The following ASIC2 variants were observed in gnomAD, a reference collection of about 807,000 sequenced individuals.
ASIC2 encodes acid-sensing ion channel 2.
In ASIC2, 25 loss-of-function variants were observed where a neutral mutation model predicts 57.3. The observed-to-expected ratio is 0.44, with a 90% confidence interval of 0.32 to 0.61. ASIC2 has a LOEUF of 0.61. ASIC2 is among the 20% of genes least tolerant of loss of function. The probability of loss-of-function intolerance (pLI) is 0.06; values close to 1 mark genes in which losing one functional copy is unlikely to be tolerated. For synonymous variants in ASIC2, 319 were observed against 307.5 expected (o/e 1.04, Z -0.39); for missense variants, 641 against 738.1 (o/e 0.87, Z 1.52).
chr17:33,419,545 CA>C (rs1232910636), intron 1 of ASIC2, among the ~76,000 whole-genome samples: 4 of 152,124 alleles, frequency 2.6e-5, no homozygotes, highest in African/African-American at 9.7e-5. Context: ...GGATGGATAC[CA>C]GCATTTCAGG....
rs1158053 is a variant in ASIC2, at chr17:33,860,998, T to A, written c.555+294980A>T. On this transcript the variant is annotated intron_variant, in intron 1 of 9. Coordinates refer to the ASIC2 transcript ENST00000359872. ...GTGGGAGTAAAAATTTGCACTGTCCTTTTGGAAAGAATTCAGTACATATCT... is the reference window on the plus strand; with the variant it reads ...GTGGGAGTAAAAATTTGCACTGTCCATTTGGAAAGAATTCAGTACATATCT... 7.2e-5 allele frequency among the ~76,000 whole-genome samples: 11 copies of A among 152,294 alleles called. No individual in the cohort carries two copies. The South Asian group carries it at 1.9e-3, about 26-fold the overall frequency.
At chr17:33,110,479 G>C (rs1448914892) in intron 2 of ASIC2, among the ~76,000 whole-genome samples, 3 of 152,222 alleles carry the variant, frequency 2.0e-5, no homozygotes, top group Non-Finnish European at 4.4e-5. Flanking sequence ...GTGGCTGATG[G>C]GGCTCGGGGT....
chr17:33,045,078 G>A (rs889848480), intron 3 of ASIC2, among the ~76,000 whole-genome samples: 16 of 152,114 alleles, frequency 1.1e-4, no homozygotes, highest in African/African-American at 3.9e-4. Flanking sequence ...TTGGGCTGGG[G>A]TACAATGCCC....
chr17:33,615,583 A>G (rs921614036), intron 1 of ASIC2, among the ~76,000 whole-genome samples: 1 of 152,098 alleles, frequency 6.6e-6, no homozygotes, highest in African/African-American at 2.4e-5. Flanking sequence ...GAAGAACATA[A>G]AACACCCTCA....
intron 1 of ASIC2, among the ~76,000 whole-genome samples, chr17:33,853,671 A>G (rs962219094): frequency 6.6e-6 from 1 of 152,202 alleles, no homozygotes; most frequent in Non-Finnish European, 1.5e-5. Flanking sequence ...AGGAAAGACC[A>G]ACGTGGGAGG....
intron 1 of ASIC2, among the ~76,000 whole-genome samples, chr17:34,115,608 T>C (rs1456676823): frequency 6.6e-6 from 1 of 152,240 alleles, no homozygotes; most frequent in Non-Finnish European, 1.5e-5. Flanking sequence ...CTTCTATTCT[T>C]GTGTGGCTTG....
chr17:33,974,801 T>C lies in ASIC2; in HGVS notation c.555+181177A>G, dbSNP rs140769854. ...CCATCCATTCACATCTGTGTCTAAG[T>C]CCTACAAGTCTACTCGAATGTCATC... On this transcript the variant is annotated intron_variant, in intron 1 of 9. Coordinates refer to the ASIC2 transcript ENST00000359872. Among the ~76,000 whole-genome samples the C allele has an allele frequency of 2.0e-5, 3 of 152,236 alleles. No homozygotes were observed. The East Asian group carries it at 5.8e-4, about 29-fold the overall frequency.
At chr17:33,820,908 C>T (rs972392433) in intron 1 of ASIC2, among the ~76,000 whole-genome samples, 5 of 152,138 alleles carry the variant, frequency 3.3e-5, no homozygotes, top group Non-Finnish European at 5.9e-5. Context: ...ATAAGGCTTG[C>T]GTTATAGTTC....
chr17:33,024,192 GT>G (rs892847755), intron 5 of ASIC2, among the ~76,000 whole-genome samples, 178 bp from the exon 6 acceptor site: 2 of 152,138 alleles, frequency 1.3e-5, no homozygotes, highest in African/African-American at 4.8e-5. Context: ...GGTTGATCTT[GT>G]TTTCCTTCTG....
At position 33,997,408 on chromosome 17, in the gene ASIC2, G is replaced by A. The variant is rs1298417792; in HGVS notation, c.555+158570C>T. 2.0e-5 allele frequency among the ~76,000 whole-genome samples: 3 copies of A among 146,968 alleles called. No homozygotes were observed. In the Admixed American group the frequency reaches 2.1e-4, roughly 10 times the overall value. On this transcript the variant is annotated intron_variant, in intron 1 of 9. Coordinates refer to the ASIC2 transcript ENST00000359872. ...AGCTCAAGCGATCGGCCAGCCTTGG[G>A]CTCCTGAAGTGCTAGGATTACAGGT...
chr17:33,494,897 C>T (rs1052498609), intron 1 of ASIC2, among the ~76,000 whole-genome samples: 1 of 152,196 alleles, frequency 6.6e-6, no homozygotes, highest in Admixed American at 6.5e-5. Context: ...AGGAAATCTT[C>T]CTCACTGATC....
intron 1 of ASIC2, among the ~76,000 whole-genome samples, chr17:33,736,719 G>A (rs949043531): frequency 6.6e-6 from 1 of 151,820 alleles, no homozygotes; most frequent in Non-Finnish European, 1.5e-5. Context: ...CCTCCTCTCC[G>A]AGATCATTAG....
chr17:33,382,884 A>T (rs139119396), intron 1 of ASIC2, among the ~76,000 whole-genome samples: 89 of 152,096 alleles, frequency 5.9e-4, no homozygotes, highest in African/African-American at 2.0e-3. Context: ...CATACTCCCA[A>T]ATTTCTTACT....
At chr17:33,585,289 G>T (rs889778569) in intron 1 of ASIC2, among the ~76,000 whole-genome samples, 1 of 152,138 alleles carries the variant, frequency 6.6e-6, no homozygotes, top group Non-Finnish European at 1.5e-5. Flanking sequence ...CTGTGTCCTT[G>T]ACCCAGTCCC....
intron 1 of ASIC2, among the ~76,000 whole-genome samples, chr17:34,015,437 TGAGTGTGATCCTGTTG>T (rs1337885675): frequency 6.6e-6 from 1 of 152,182 alleles, no homozygotes; most frequent in African/African-American, 2.4e-5. Flanking sequence ...CAAAGAATGT[TGAGTGTGATCCTGTTG>T]GAGTGCCATC....
chr17:34,031,479 C>T (rs1245236937), intron 1 of ASIC2, among the ~76,000 whole-genome samples: 2 of 152,322 alleles, frequency 1.3e-5, no homozygotes, highest in East Asian at 1.9e-4. Context: ...AGGAATGCAG[C>T]TCCTCACCAG....
chr17:33,800,992 T>A (rs1912117168), intron 1 of ASIC2, among the ~76,000 whole-genome samples: 1 of 152,196 alleles, frequency 6.6e-6, no homozygotes, highest in South Asian at 2.1e-4. Flanking sequence ...TCTGTCAACT[T>A]CATGCACAGG....
At chr17:33,949,523 T>C (rs1904492562) in intron 1 of ASIC2, among the ~76,000 whole-genome samples, 3 of 152,246 alleles carry the variant, frequency 2.0e-5, no homozygotes. Context: ...ACCTTTTCTA[T>C]GCTGCTTTGG....
chr17:33,872,024 C>T (rs778853653), intron 1 of ASIC2, among the ~76,000 whole-genome samples: 6 of 152,130 alleles, frequency 3.9e-5, no homozygotes, highest in African/African-American at 9.7e-5. Context: ...CTTGCAGGCT[C>T]AGGCCCCTCC....
Sources: gnomAD v4.1 joint callset for allele counts (sites outside exome capture counted in the v4.1 genomes callset) on GRCh38, gnomAD v4.1.1 for gene constraint, MANE v1.5 for transcripts, NCBI Gene and HGNC (gene_info 2026-07-23, HGNC 2026-07-21) for gene names.